Variants in SLC35F3 observed in about 807,000 individuals in gnomAD.
The protein encoded by SLC35F3 is putative thiamine transporter SLC35F3.
Under a neutral mutation model 49.9 loss-of-function variants are expected in SLC35F3, and 25 were observed. That is an observed-to-expected ratio of 0.50 (90% CI 0.37 to 0.70). The LOEUF is 0.70. Ranked by LOEUF, SLC35F3 falls within the 30% of genes least tolerant of loss-of-function variation. The pLI is 0.00. For synonymous variants in SLC35F3, 275 were observed against 265.4 expected, an observed-to-expected ratio of 1.04 and a Z score of -0.35; for missense variants, 525 against 639.8, an observed-to-expected ratio of 0.82 and a Z score of 1.94.
intron 2 of SLC35F3, among the ~76,000 whole-genome samples, chr1:234,083,744 G>T (rs1349452124): frequency 6.6e-6 from 1 of 152,102 alleles, no homozygotes; most frequent in Non-Finnish European, 1.5e-5. Flanking sequence ...CCTACTCTGA[G>T]CTTGCTGTCA....
intron 2 of SLC35F3, among the ~76,000 whole-genome samples, chr1:234,197,063 A>G (rs755163442): frequency 5.9e-5 from 9 of 152,278 alleles, no homozygotes; most frequent in African/African-American, 9.6e-5. Context: ...TGATTAATGC[A>G]GAGGTGACTG....
At chr1:234,122,306 C>G (rs1665588307) in intron 2 of SLC35F3, among the ~76,000 whole-genome samples, 1 of 152,182 alleles carries the variant, frequency 6.6e-6, no homozygotes, top group African/African-American at 2.4e-5. Flanking sequence ...TCTGACCAGG[C>G]ATTCCGTTTC....
chr1:234,319,764 G>T (rs1657572351), intron 6 of SLC35F3, among the ~76,000 whole-genome samples: 1 of 151,944 alleles, frequency 6.6e-6, no homozygotes, highest in South Asian at 2.1e-4. Flanking sequence ...CAGAGCTCCT[G>T]TTCATGCAGT....
chr1:233,994,878 A>G (rs759912793), intron 2 of SLC35F3, among the ~76,000 whole-genome samples: 12 of 152,124 alleles, frequency 7.9e-5, no homozygotes, highest in Non-Finnish European at 1.5e-4. Flanking sequence ...AAATACTCCA[A>G]AATTTGAAAT....
chr1:234,251,464 CA>C (rs56891961), intron 3 of SLC35F3, among the ~76,000 whole-genome samples: 82,997 of 123,796 alleles, frequency 0.67, 27,662 homozygotes, highest in African/African-American at 0.82. Flanking sequence ...CAAACTAAAC[CA>C]AAAAAAAAAA....
intron 2 of SLC35F3, among the ~76,000 whole-genome samples, chr1:234,199,055 C>A (rs1207379113): frequency 4.9e-4 from 67 of 137,732 alleles, no homozygotes; most frequent in East Asian, 2.9e-3. Flanking sequence ...CTTATTTCTA[C>A]AAAAAAAAAA....
intron 2 of SLC35F3, among the ~76,000 whole-genome samples, chr1:234,154,230 G>A (rs757354703): frequency 2.2e-4 from 34 of 152,098 alleles, no homozygotes; most frequent in Admixed American, 3.9e-4. Context: ...CAGCCGGAGC[G>A]ATAGAGTGAG....
At chr1:234,023,626 C>T (rs1329587275) in intron 2 of SLC35F3, among the ~76,000 whole-genome samples, 2 of 151,898 alleles carry the variant, frequency 1.3e-5, no homozygotes, top group African/African-American at 2.4e-5. Context: ...GAGTAGTGTA[C>T]GGAAGGGATG....
chr1:233,966,617 T>C (rs912098950), intron 2 of SLC35F3, among the ~76,000 whole-genome samples: 1 of 152,140 alleles, frequency 6.6e-6, no homozygotes, highest in Admixed American at 6.5e-5. Context: ...ACTCCAAGAA[T>C]TTATAAAGAT....
intron 2 of SLC35F3, among the ~76,000 whole-genome samples, chr1:234,090,655 G>A (rs1558226640): frequency 6.6e-6 from 1 of 152,196 alleles, no homozygotes; most frequent in Admixed American, 6.5e-5. Flanking sequence ...AAATAGCAGC[G>A]TTAGCATGAT....
In SLC35F3 at chr1:234,324,099, T is replaced by C. The variant is rs978948409; in HGVS notation, c.*856T>C. ...AGTGTATACAGAGCGTGGCCCGCGG[T>C]GTACAATACCCATATAAGGTACATT... On this transcript the variant is annotated 3_prime_UTR_variant, in exon 8 of 8. Coordinates refer to ENST00000366618, the MANE Select transcript of SLC35F3 (RefSeq NM_173508.4). 8 of 152,236 alleles carry C rather than the reference T, an allele frequency of 5.3e-5. No individual in the cohort carries two copies. The highest frequency in any genetic ancestry group is 1.2e-4 in the Non-Finnish European group (8 of 68,052). 9.4% of individuals were successfully genotyped at this position (152,236 alleles called of 1,614,324 possible).
intron 3 of SLC35F3, among the ~76,000 whole-genome samples, chr1:234,232,619 G>A (rs1667403318): frequency 6.6e-6 from 1 of 151,632 alleles, no homozygotes; most frequent in South Asian, 2.1e-4. Flanking sequence ...CAGCCCCAGA[G>A]GTGAGGAGAA....
chr1:234,316,905 G>A (rs1380092481), intron 5 of SLC35F3, among the ~76,000 whole-genome samples, 178 bp downstream of exon 5: 2 of 152,228 alleles, frequency 1.3e-5, no homozygotes, highest in Admixed American at 1.3e-4. Flanking sequence ...TTCAGTCAAG[G>A]GCAAGGGGGA....
At chr1:234,232,535 A>AAAG (rs1553317273) in intron 3 of SLC35F3, among the ~76,000 whole-genome samples, 2 of 144,748 alleles carry the variant, frequency 1.4e-5, no homozygotes, top group African/African-American at 2.6e-5. Context: ...AAAAAAAAAA[A>AAAG]AAAAAGAAAA....
chr1:234,015,664 A>G (rs756605402), intron 2 of SLC35F3, among the ~76,000 whole-genome samples: 3 of 152,206 alleles, frequency 2.0e-5, no homozygotes, highest in Non-Finnish European at 4.4e-5. Context: ...TAAACTCAAA[A>G]TGGATTAAAG....
chr1:233,936,439 T>G (rs1662328876), intron 2 of SLC35F3, among the ~76,000 whole-genome samples: 1 of 152,104 alleles, frequency 6.6e-6, no homozygotes, highest in African/African-American at 2.4e-5. Context: ...AACCTACATC[T>G]CAGAACAAGA....
At chr1:234,193,820 A>G (rs1044180723) in intron 2 of SLC35F3, among the ~76,000 whole-genome samples, 4 of 152,204 alleles carry the variant, frequency 2.6e-5, no homozygotes, top group African/African-American at 9.6e-5. Context: ...AAGATATACA[A>G]ATGGCCAACA....
At chr1:234,126,137 A>G (rs992188794) in intron 2 of SLC35F3, among the ~76,000 whole-genome samples, 11 of 152,284 alleles carry the variant, frequency 7.2e-5, no homozygotes, top group African/African-American at 2.6e-4. Context: ...ATAAATAGGA[A>G]CTATTGTTTT....
intron 2 of SLC35F3, among the ~76,000 whole-genome samples, chr1:234,033,516 T>G (rs1413808166): frequency 6.6e-6 from 1 of 152,254 alleles, no homozygotes; most frequent in Non-Finnish European, 1.5e-5. Flanking sequence ...TTGATCCATC[T>G]CGAGTTGGCT....
Sources: gnomAD v4.1 joint callset for allele counts (sites outside exome capture counted in the v4.1 genomes callset) on GRCh38, gnomAD v4.1.1 for gene constraint, MANE v1.5 for transcripts, NCBI Gene and HGNC (gene_info 2026-07-23, HGNC 2026-07-21) for gene names.